CCDC85A: variants seen among roughly 807,000 people sequenced by gnomAD.
CCDC85A encodes the protein coiled-coil domain containing 85A.
CCDC85A carries 38 observed loss-of-function variants against 50.2 expected under a neutral mutation model. The observed-to-expected ratio is 0.76, with a 90% CI of 0.58 to 0.99. The LOEUF is 0.99. Among genes scored for constraint, CCDC85A ranks in the 50% least tolerant of loss-of-function variants. The pLI is 0.00. For synonymous variants in CCDC85A, 366 were observed against 301.4 expected (o/e 1.21, Z -2.22); for missense variants, 820 against 742.0 (o/e 1.11, Z -1.22).
Position 56,384,367 on chromosome 2 carries a change from T to C in CCDC85A, c.*12T>C. 6.2e-7 allele frequency: 1 copy of C among 1,605,340 alleles called. No individual in the cohort carries two copies. The highest frequency in any genetic ancestry group is 1.7e-5 in the Admixed American group (1 of 59,656). On this transcript the variant is annotated 3_prime_UTR_variant, in exon 6 of 6. Transcript: ENST00000407595. ...AAGGACCAATGTGAGATGCACTCTT[T>C]TTCAAACAGGAGATCACCACTGCCA...
rs1312222050 is a variant in CCDC85A at position 56,184,474 on chromosome 2, C to T, written c.-151C>T. On this transcript the variant is annotated 5_prime_UTR_variant, in exon 1 of 6. Transcript: ENST00000407595. ...GAGGTAGGATGGCCACCCAGCGCGA[C>T]CCCCGCCGCCCCAACCCAGCGGCCC... 5 of 876,938 alleles carry T rather than the reference C, an allele frequency of 5.7e-6. No homozygotes were observed. The highest frequency in any genetic ancestry group is 1.8e-5 in the African/African-American group (1 of 56,632). The allele number at this position is 876,938 out of a possible 1,614,324, so 54.3% of individuals were successfully genotyped here.
At chr2:56,340,638 G>A (rs1366465303) in intron 2 of CCDC85A, among the ~76,000 whole-genome samples, 1 of 152,088 alleles carries the variant, frequency 6.6e-6, no homozygotes, top group Non-Finnish European at 1.5e-5. Flanking sequence ...CACTTTGGGA[G>A]GCCGAGGCGG....
chr2:56,329,943 C>CTTTTTT (rs1336192523), intron 2 of CCDC85A, among the ~76,000 whole-genome samples: 325 of 22,814 alleles, frequency 0.014, 18 homozygotes, highest in Non-Finnish European at 0.02. Flanking sequence ...TACAGATTTC[C>CTTTTTT]TGTTTTTTTT....
intron 2 of CCDC85A, among the ~76,000 whole-genome samples, chr2:56,255,178 C>T (rs1007553147): frequency 2.0e-5 from 3 of 152,152 alleles, no homozygotes; most frequent in Non-Finnish European, 2.9e-5. Context: ...GACCACATGG[C>T]CCCACTTCAC....
At chr2:56,222,044 A>G (rs185262296) in intron 2 of CCDC85A, among the ~76,000 whole-genome samples, 5 of 152,172 alleles carry the variant, frequency 3.3e-5, no homozygotes, top group African/African-American at 7.2e-5. Flanking sequence ...TAATCCATTC[A>G]TGAGGACAGT....
At chr2:56,261,208 G>A (rs1203722837) in intron 2 of CCDC85A, among the ~76,000 whole-genome samples, 1 of 152,154 alleles carries the variant, frequency 6.6e-6, no homozygotes, top group Non-Finnish European at 1.5e-5. Context: ...AACTGCGGTA[G>A]CACTTTAAAA....
intron 5 of CCDC85A, among the ~76,000 whole-genome samples, chr2:56,382,750 T>G (rs1441635953): frequency 1.3e-5 from 2 of 152,054 alleles, no homozygotes; most frequent in Non-Finnish European, 2.9e-5. Flanking sequence ...TTAAGCTCAT[T>G]GTGTTCCACA....
chr2:56,329,034 G>A (rs912614353), intron 2 of CCDC85A, among the ~76,000 whole-genome samples: 2 of 152,164 alleles, frequency 1.3e-5, no homozygotes, highest in African/African-American at 4.8e-5. Flanking sequence ...AGCTTCTTAT[G>A]TTAGTTTACT....
At chr2:56,360,953 C>T (rs1407455344) in intron 3 of CCDC85A, among the ~76,000 whole-genome samples, 1 of 152,144 alleles carries the variant, frequency 6.6e-6, no homozygotes, top group Non-Finnish European at 1.5e-5. Flanking sequence ...CAAAACATCC[C>T]TTAAAAATAG....
intron 2 of CCDC85A, among the ~76,000 whole-genome samples, chr2:56,202,076 A>T (rs112691189): frequency 0.017 from 2,548 of 152,268 alleles, 66 homozygotes; most frequent in African/African-American, 0.058. Context: ...AATGATAAAG[A>T]CCCTAAATGG....
intron 2 of CCDC85A, among the ~76,000 whole-genome samples, chr2:56,202,332 G>A (rs1676780287): frequency 6.6e-6 from 1 of 152,252 alleles, no homozygotes; most frequent in East Asian, 1.9e-4. Context: ...AATAGAAGGA[G>A]TATTCCTATT....
rs139670796 is a variant in CCDC85A, at chr2:56,361,870, C to T, written c.1318-10474C>T. 1.5e-3 allele frequency among the ~76,000 whole-genome samples: 226 copies of T among 152,164 alleles called. 3 individuals are homozygous for T. In the East Asian group the frequency reaches 0.024, roughly 16 times the overall value. The stretch of plus-strand genomic sequence containing the variant: ...GATCAGTCTCCATGTTGGGTAAACA[C>T]GAGACTGAAGAAGGTAGAGACAGGG... On this transcript the variant is annotated intron_variant, in intron 3 of 5. Coordinates refer to ENST00000407595, the MANE Select transcript of CCDC85A (RefSeq NM_001080433.2).
intron 2 of CCDC85A, among the ~76,000 whole-genome samples, chr2:56,250,740 G>A (rs1431339712): frequency 1.3e-5 from 2 of 152,142 alleles, no homozygotes; most frequent in African/African-American, 2.4e-5. Context: ...GAGGTATTTG[G>A]TTAATAAACA....
At position 56,280,463 on chromosome 2, in the gene CCDC85A, A is replaced by G. The variant is rs116257089; in HGVS notation, c.1241-62416A>G. 5.8e-3 allele frequency among the ~76,000 whole-genome samples: 886 copies of G among 152,316 alleles called. 10 individuals carry two copies. Among genetic ancestry groups the G allele is most frequent in the African/African-American group, 0.02 (838 of 41,562 alleles). ...CCCAAGTATTAAGTTATAAGTAATTATAGTACTATAATTGCTTGACCGTCC... is the reference window on the plus strand; with the variant it reads ...CCCAAGTATTAAGTTATAAGTAATTGTAGTACTATAATTGCTTGACCGTCC... On this transcript the variant is annotated intron_variant, in intron 2 of 5. Coordinates refer to ENST00000407595, the MANE Select transcript of CCDC85A (RefSeq NM_001080433.2).
chr2:56,191,923 T>C (rs1204385975), intron 1 of CCDC85A, among the ~76,000 whole-genome samples: 1 of 152,176 alleles, frequency 6.6e-6, no homozygotes, highest in Non-Finnish European at 1.5e-5. Flanking sequence ...TCTCAGGGCT[T>C]TTAAGCATTT....
In CCDC85A at chr2:56,184,062, GGCAGGAGGAGCGCAGCAGCCTTCGGGCA is replaced by G. The variant is rs1176793053; in HGVS notation, c.-560_-533del. 5.0e-5 allele frequency: 49 copies of G among 985,520 alleles called. No homozygotes were observed. The highest frequency in any genetic ancestry group is 5.7e-5 in the Non-Finnish European group (47 of 830,076). The allele number at this position is 985,520 out of a possible 1,614,324, so 61.0% of individuals were successfully genotyped here. A position where few individuals can be genotyped will look rare whatever the true frequency, so the allele number is the denominator to read the frequency against. On this transcript the variant is annotated 5_prime_UTR_variant, in exon 1 of 6. Coordinates refer to ENST00000407595, the MANE Select transcript of CCDC85A (RefSeq NM_001080433.2). The stretch of plus-strand genomic sequence containing the variant: ...GAGCGGCCGCGGGCGCAGCGAAGGC[GGCAGGAGGAGCGCAGCAGCCTTCGGGCA>G]GCCGCGGCGGCGTCGCTAGAGCAGC...
intron 2 of CCDC85A, among the ~76,000 whole-genome samples, chr2:56,302,116 C>T (rs760864229): frequency 2.6e-4 from 40 of 151,812 alleles, no homozygotes; most frequent in Non-Finnish European, 4.4e-4. Flanking sequence ...ATTACCCGGG[C>T]CTGGTGGTGG....
At chr2:56,228,206 G>C (rs1668622052) in intron 2 of CCDC85A, among the ~76,000 whole-genome samples, 1 of 152,116 alleles carries the variant, frequency 6.6e-6, no homozygotes, top group Admixed American at 6.5e-5. Flanking sequence ...TAACTTCACT[G>C]TGCCCTAATT....
At position 56,184,645 on chromosome 2, in the gene CCDC85A, C is replaced by CGCGGCGGCG; in HGVS notation, c.24_32dup (p.Ala13_Ala15dup). ...ATACCATGTCGAAGGCGGCCGGAGG[C>CGCGGCGGCG]GCGGCGGCGGCTGCGGCGGCGGCGG... On this transcript the variant is annotated inframe_insertion, in exon 1 of 6. Transcript: ENST00000407595. The CGCGGCGGCG allele has an allele frequency of 7.0e-7, 1 of 1,438,206 alleles. No homozygotes were observed. Among genetic ancestry groups the CGCGGCGGCG allele is most frequent in the East Asian group, 2.8e-5 (1 of 35,314 alleles). 89.1% of individuals were successfully genotyped at this position (1,438,206 alleles called of 1,614,324 possible). A position where few individuals can be genotyped will look rare whatever the true frequency, so the allele number is the denominator to read the frequency against.
Sources: gnomAD v4.1 joint callset for allele counts (sites outside exome capture counted in the v4.1 genomes callset) on GRCh38, gnomAD v4.1.1 for gene constraint, MANE v1.5 for transcripts, NCBI Gene and HGNC (gene_info 2026-07-23, HGNC 2026-07-21) for gene names.